The following ATP6V0C variants were observed in gnomAD, a reference collection of about 807,000 sequenced individuals.
The protein encoded by ATP6V0C is ATPase H+ transporting V0 subunit c, also known as V-type proton ATPase 16 kDa proteolipid subunit c.
A neutral mutation model predicts 10.6 loss-of-function variants in ATP6V0C; 2 were observed. The ratio of observed to expected loss-of-function variants is 0.19; its 90% confidence interval spans 0.08 to 0.59. The LOEUF (loss-of-function observed/expected upper bound fraction) is 0.59. Among genes scored for constraint, ATP6V0C ranks in the 20% least tolerant of loss-of-function variants. ATP6V0C has a pLI of 0.90. For missense variants in ATP6V0C, 89 were observed against 225.9 expected (o/e 0.39, Z 3.88); for synonymous variants, 128 against 101.3 (o/e 1.26, Z -1.59).
intron 1 of ATP6V0C, 154 bp from the exon 2 acceptor site, chr16:2,519,064 G>A: frequency 1.2e-6 from 1 of 859,070 alleles, no homozygotes; most frequent in South Asian, 2.0e-5. Flanking sequence ...TTCCTCCTGG[G>A]TCCTCTTGCC....
intron 1 of ATP6V0C, chr16:2,517,313 GGCGTGGA>G (rs2065881497): frequency 6.6e-6 from 1 of 152,340 alleles, no homozygotes; most frequent in Admixed American, 6.5e-5. Context: ...CCTCCAAGGT[GGCGTGGA>G]GGAGGCCGTG....
chr16:2,515,809 A>G (rs1357474541), intron 1 of ATP6V0C, among the ~76,000 whole-genome samples: 6 of 152,192 alleles, frequency 3.9e-5, no homozygotes, highest in African/African-American at 1.4e-4. Flanking sequence ...AGTGAACAAA[A>G]TGGGATCCCC....
chr16:2,518,687 C>G (rs1352003184), intron 1 of ATP6V0C, among the ~76,000 whole-genome samples: 1 of 152,180 alleles, frequency 6.6e-6, no homozygotes, highest in Non-Finnish European at 1.5e-5. Context: ...GGAGCTTGGC[C>G]TGGGCAGTGA....
rs1156843168 is a variant in ATP6V0C at position 2,514,041 on chromosome 16, T to G, written c.-63T>G. ...CCCGCAAACCTTCGTGCCCGGCCCG[T>G]CCTCGCCCCCGCCTCCGCCACCGCC... On this transcript the variant is annotated 5_prime_UTR_variant, in exon 1 of 3. Coordinates refer to ENST00000330398, the MANE Select transcript of ATP6V0C (RefSeq NM_001694.4). 4 of 1,464,470 alleles carry G rather than the reference T, an allele frequency of 2.7e-6. No homozygotes were observed. Among genetic ancestry groups the G allele is most frequent in the Non-Finnish European group, 3.7e-6 (4 of 1,080,976 alleles). 90.7% of individuals were successfully genotyped at this position (1,464,470 alleles called of 1,614,324 possible).
Position 2,519,954 on chromosome 16 carries a change from C to T in ATP6V0C, c.*209C>T, listed in dbSNP as rs1366282885. The T allele has an allele frequency of 1.2e-5, 9 of 752,016 alleles. No homozygotes were observed. Among genetic ancestry groups the T allele is most frequent in the Non-Finnish European group, 2.1e-5 (9 of 433,698 alleles). 46.6% of individuals were successfully genotyped at this position (752,016 alleles called of 1,614,324 possible). A position where few individuals can be genotyped will look rare whatever the true frequency, so the allele number is the denominator to read the frequency against. On this transcript the variant is annotated 3_prime_UTR_variant, in exon 3 of 3. Coordinates refer to ENST00000330398, the MANE Select transcript of ATP6V0C (RefSeq NM_001694.4). ...ACATCTGGGCCCACTCATCGCCCCT[C>T]CAGGCCCCCGGCGCCCCACCCCCTA...
At chr16:2,514,292 C>G (rs1567421067) in intron 1 of ATP6V0C, 110 bp downstream of exon 1, 3 of 1,187,192 alleles carry the variant, frequency 2.5e-6, no homozygotes, top group East Asian at 6.5e-5. Flanking sequence ...CCCGAGCTGT[C>G]GGGGGCGCCC....
Position 2,519,240 on chromosome 16 carries a change from A to G in ATP6V0C, c.102A>G (p.Thr34=). Residue 34 remains threonine, a synonymous_variant, in exon 2 of 3, where the codon ACA becomes ACG. Coordinates refer to ENST00000330398, the MANE Select transcript of ATP6V0C (RefSeq NM_001694.4). ...VFSALGAAYG[T]AKSGTGIAAM... ...CAGCCCTGGGCGCTGCCTATGGCAC[A>G]GCCAAGAGCGGTACCGGCATTGCGG... 6.2e-7 allele frequency: 1 copy of G among 1,613,472 alleles called. No homozygotes were observed. The highest frequency in any genetic ancestry group is 8.5e-7 in the Non-Finnish European group (1 of 1,179,596).
chr16:2,518,232 G>C (rs560382979), intron 1 of ATP6V0C, among the ~76,000 whole-genome samples: 1 of 152,226 alleles, frequency 6.6e-6, no homozygotes, highest in Non-Finnish European at 1.5e-5. Context: ...ATGAGCCCCC[G>C]TGACACTGCT....
intron 1 of ATP6V0C, chr16:2,518,985 G>A: frequency 2.0e-6 from 1 of 504,548 alleles, no homozygotes; most frequent in South Asian, 2.8e-5. Flanking sequence ...GCTGGACTCT[G>A]AGGGTGGGGG....
At chr16:2,515,078 AG>A (rs2065870706) in intron 1 of ATP6V0C, among the ~76,000 whole-genome samples, 1 of 150,672 alleles carries the variant, frequency 6.6e-6, no homozygotes, top group African/African-American at 2.5e-5. Context: ...TGAAGTTGGG[AG>A]GGGCTTCCCT....
rs1159459859 is a variant in ATP6V0C at position 2,519,964 on chromosome 16, G to A, written c.*219G>A. 6.4e-6 allele frequency: 3 copies of A among 472,392 alleles called. No individual in the cohort carries two copies. The highest frequency in any genetic ancestry group is 1.1e-5 in the Non-Finnish European group (3 of 278,018). 29.3% of individuals were successfully genotyped at this position (472,392 alleles called of 1,614,324 possible). On this transcript the variant is annotated 3_prime_UTR_variant, in exon 3 of 3. Coordinates refer to ENST00000330398, the MANE Select transcript of ATP6V0C (RefSeq NM_001694.4). ...CCACTCATCGCCCCTCCAGGCCCCC[G>A]GCGCCCCACCCCCTAGAGTGCTCTG...
At position 2,519,532 on chromosome 16, in the gene ATP6V0C, C is replaced by T. The variant is rs749567124; in HGVS notation, c.264-9C>T. ...GCTGCTGATGTCAGTCCTCTCTTCTCGCCCCCAGGAGCTTCCTCCAGCTGG... is the reference window on the plus strand; with the variant it reads ...GCTGCTGATGTCAGTCCTCTCTTCTTGCCCCCAGGAGCTTCCTCCAGCTGG... On this transcript the variant is annotated splice_polypyrimidine_tract_variant and intron_variant, in intron 2 of 2. Coordinates refer to ENST00000330398, the MANE Select transcript of ATP6V0C (RefSeq NM_001694.4). 1.6e-5 allele frequency: 25 copies of T among 1,544,208 alleles called. No homozygotes were observed. Among genetic ancestry groups the T allele is most frequent in the South Asian group, 1.3e-4 (11 of 82,124 alleles).
Position 2,519,640 on chromosome 16 carries a change from C to A in ATP6V0C, c.363C>A (p.Thr121=). Residue 121 remains threonine (T), a synonymous_variant, in exon 3 of 3, where the codon ACC becomes ACA. Transcript: ENST00000330398. ...GIVGDAGVRG[T]AQQPRLFVGM... ...TGGGGGACGCTGGCGTGCGGGGCACCGCCCAGCAGCCCCGACTATTCGTGG... is the reference window on the plus strand; with the variant it reads ...TGGGGGACGCTGGCGTGCGGGGCACAGCCCAGCAGCCCCGACTATTCGTGG... 6.2e-7 allele frequency: 1 copy of A among 1,608,072 alleles called. No individual in the cohort carries two copies. The highest frequency in any genetic ancestry group is 8.5e-7 in the Non-Finnish European group (1 of 1,175,482).
rs1477906104 is a variant in ATP6V0C, at chr16:2,513,964, T to A, written c.-140T>A. Reference sequence around the variant, plus strand: ...CGGCCGCCATTTTGTTCTGCGGTGCTGGTATTTAGAGCGCAGCGGCTGACG... The same window carrying A: ...CGGCCGCCATTTTGTTCTGCGGTGCAGGTATTTAGAGCGCAGCGGCTGACG... On this transcript the variant is annotated 5_prime_UTR_variant, in exon 1 of 3. Transcript: ENST00000330398. 2 of 705,890 alleles carry A rather than the reference T, an allele frequency of 2.8e-6. No individual in the cohort carries two copies. The highest frequency in any genetic ancestry group is 3.9e-5 in the African/African-American group (2 of 51,916). The allele number at this position is 705,890 out of a possible 1,614,324, so 43.7% of individuals were successfully genotyped here.
At chr16:2,516,147 C>G (rs2065876263) in intron 1 of ATP6V0C, among the ~76,000 whole-genome samples, 1 of 135,492 alleles carries the variant, frequency 7.4e-6, no homozygotes, top group Non-Finnish European at 1.5e-5. Context: ...GGGTCTTGCT[C>G]TGTTTCCCAG....
At chr16:2,518,719 G>A (rs1023208571) in intron 1 of ATP6V0C, among the ~76,000 whole-genome samples, 14 of 152,212 alleles carry the variant, frequency 9.2e-5, no homozygotes, top group Non-Finnish European at 1.6e-4. Flanking sequence ...TCTGGCCTGG[G>A]TGACAAGAGT....
In ATP6V0C at chr16:2,520,185, G is replaced by A. The variant is rs1456174839; in HGVS notation, c.*440G>A. The stretch of plus-strand genomic sequence containing the variant: ...CTCACCGCCGGGCCCGTGGCCCTGC[G>A]CGGAGCTGTGTCCAATAAAGTTCTT... On this transcript the variant is annotated 3_prime_UTR_variant, in exon 3 of 3. Coordinates refer to ENST00000330398, the MANE Select transcript of ATP6V0C (RefSeq NM_001694.4). The A allele has an allele frequency of 1.9e-6, 1 of 519,962 alleles. No individual in the cohort carries two copies. Among genetic ancestry groups the A allele is most frequent in the Non-Finnish European group, 3.5e-6 (1 of 282,444 alleles). 32.2% of individuals were successfully genotyped at this position (519,962 alleles called of 1,614,324 possible).
intron 1 of ATP6V0C, chr16:2,518,992 G>T: frequency 1.9e-6 from 1 of 514,284 alleles, no homozygotes; most frequent in Non-Finnish European, 3.4e-6. Context: ...TCTGAGGGTG[G>T]GGGCCTCACG....
chr16:2,514,139 G>A lies in ATP6V0C; in HGVS notation c.36G>A (p.Ser12=). The A allele has an allele frequency of 6.3e-7, 1 of 1,590,694 alleles. No individual in the cohort carries two copies. Among genetic ancestry groups the A allele is most frequent in the Non-Finnish European group, 8.6e-7 (1 of 1,169,558 alleles). ...SESKSGPEYA[S]FFAVMGASAA... is the part of the protein sequence containing the mutation. ...CCAAGAGCGGCCCCGAGTATGCTTC[G>A]TTTTTCGCCGTCATGGGCGCCTCGG... Residue 12 remains serine (S), a synonymous_variant, in exon 1 of 3, where the codon TCG becomes TCA. Transcript: ENST00000330398.
Sources: allele counts gnomAD v4.1 joint callset (sites outside exome capture counted in the v4.1 genomes callset), GRCh38; gene constraint gnomAD v4.1.1; transcripts MANE v1.5; gene names NCBI Gene and HGNC (gene_info 2026-07-23, HGNC 2026-07-21).